The following QRICH2 variants were observed in gnomAD, a reference collection of about 807,000 sequenced individuals.
QRICH2 encodes glutamine rich 2, also known as glutamine-rich protein 2.
QRICH2 carries 119 observed loss-of-function variants against 168.3 expected under a neutral mutation model. That is an observed-to-expected ratio of 0.71 (90% CI 0.61 to 0.82). The LOEUF is 0.82. QRICH2 is among the 40% of genes least tolerant of loss of function. The probability of loss-of-function intolerance (pLI) is 0.00; values close to 1 mark genes in which losing one functional copy is unlikely to be tolerated. For synonymous variants in QRICH2, 894 were observed against 951.2 expected (o/e 0.94, Z 1.11); for missense variants, 2,241 against 2,491.6 (o/e 0.90, Z 2.14).
At position 76,281,015 on chromosome 17, in the gene QRICH2, C is replaced by T. The variant is rs879834482; in HGVS notation, c.4264-62G>A. The stretch of plus-strand genomic sequence containing the variant: ...CTGGCGCGATCCCACCCCCTGCTGC[C>T]ATAATATTGCTGCCCCAGGTAAGTT... On this transcript the variant is annotated intron_variant, in intron 8 of 18. Coordinates refer to ENST00000680821, the MANE Select transcript of QRICH2 (RefSeq NM_001388453.1). The surrounding 1 kb of genome is among the most constrained non-coding windows in gnomAD (Gnocchi z 4.4). 16 of 1,570,996 alleles carry T rather than the reference C, an allele frequency of 1.0e-5. No homozygotes were observed. The highest frequency in any genetic ancestry group is 2.7e-5 in the African/African-American group (2 of 74,086).
intron 7 of QRICH2, among the ~76,000 whole-genome samples, chr17:76,282,738 C>T (rs896043898): frequency 3.3e-5 from 5 of 152,172 alleles, no homozygotes; most frequent in African/African-American, 9.7e-5. Flanking sequence ...AATGAGAGTT[C>T]CCAGGTAGAC....
Position 76,292,817 on chromosome 17 carries a change from T to G in QRICH2, c.1910A>C (p.Gln637Pro). 1 of 1,613,772 alleles carries G rather than the reference T, an allele frequency of 6.2e-7. No individual in the cohort carries two copies. The highest frequency in any genetic ancestry group is 8.5e-7 in the Non-Finnish European group (1 of 1,179,968). ...TGTGCCAGGCTGGATCAAACCATGC[T>G]GATCTCTACCAGGTTGGGCCAAACC... is the stretch of plus-strand genomic sequence containing the variant. ...QSGLAQPGRDQHGLIQPGTGQ... is the reference protein window; with the variant it reads ...QSGLAQPGRDPHGLIQPGTGQ... Residue 637 changes from glutamine to proline, a missense_variant, in exon 4 of 19, where the codon CAG becomes CCG. By Grantham distance (76) the Gln-to-Pro change is moderately conservative (BLOSUM62 -1). Coordinates refer to ENST00000680821, the MANE Select transcript of QRICH2 (RefSeq NM_001388453.1).
chr17:76,286,672 C>T lies in QRICH2; in HGVS notation c.4011+520G>A, dbSNP rs563673828. 1.8e-3 allele frequency among the ~76,000 whole-genome samples: 273 copies of T among 151,970 alleles called. 11 individuals carry two copies. In the South Asian group the frequency reaches 0.054, roughly 30 times the overall value. ...TATCATAAAAAAGATAGGGAAAGAT[C>T]GTGATCAGCCTGGCCAAAATGGTGA... is the stretch of plus-strand genomic sequence containing the variant. On this transcript the variant is annotated intron_variant, in intron 7 of 18. Coordinates refer to ENST00000680821, the MANE Select transcript of QRICH2 (RefSeq NM_001388453.1).
intron 5 of QRICH2, 57 bp downstream of exon 5, chr17:76,289,935 G>C (rs1353630502): frequency 3.2e-6 from 4 of 1,260,926 alleles, no homozygotes; most frequent in Non-Finnish European, 4.5e-6. Flanking sequence ...AGGGCGACAA[G>C]AGCAAAACTC....
rs2071015955 is a variant in QRICH2 at position 76,307,885 on chromosome 17, G to C, written c.114C>G (p.Leu38=). ...GGGTATTTTGGAGGTCGAGGTTCTT[G>C]AGCATGGCCACGATGAGCGTGTGCA... ...TALHTLIVAM[L]KNLDLQNTRI... The change falls in exon 1 of 19, where the codon CTC becomes CTG. Residue 38 remains leucine (L), a synonymous_variant. Coordinates refer to ENST00000680821, the MANE Select transcript of QRICH2 (RefSeq NM_001388453.1). The surrounding 1 kb of genome is among the most constrained non-coding windows in gnomAD (Gnocchi z 5.3). The C allele has an allele frequency of 7.9e-7, 1 of 1,272,514 alleles. No homozygotes were observed. The highest frequency in any genetic ancestry group is 1.5e-5 in the African/African-American group (1 of 64,722). 78.8% of individuals were successfully genotyped at this position (1,272,514 alleles called of 1,614,324 possible).
At position 76,307,867 on chromosome 17, in the gene QRICH2, T is replaced by C. The variant is rs1001477998; in HGVS notation, c.132A>G (p.Gln44=). ...AGGGCTGGAAGTCGATCCGGGTATT[T>C]TGGAGGTCGAGGTTCTTGAGCATGG... ...IVAMLKNLDL[Q]NTRIDFQPSS... The change falls in exon 1 of 19, where the codon CAA becomes CAG. Residue 44 remains glutamine (Q), a synonymous_variant. Transcript: ENST00000680821. The surrounding 1 kb of genome is among the most constrained non-coding windows in gnomAD (Gnocchi z 5.3). 3 of 1,274,972 alleles carry C rather than the reference T, an allele frequency of 2.4e-6. No homozygotes were observed. Among genetic ancestry groups the C allele is most frequent in the African/African-American group, 3.1e-5 (2 of 64,698 alleles). 79.0% of individuals were successfully genotyped at this position (1,274,972 alleles called of 1,614,324 possible).
In QRICH2 at chr17:76,291,249, A is replaced by C. The variant is rs773644834; in HGVS notation, c.3478T>G (p.Ser1160Ala). 6.2e-7 allele frequency: 1 copy of C among 1,614,218 alleles called. No homozygotes were observed. The highest frequency in any genetic ancestry group is 8.5e-7 in the Non-Finnish European group (1 of 1,180,038). Reference protein sequence around the residue: ...QDVTLFRSPDSVDRVLSEGSE... With the variant: ...QDVTLFRSPDAVDRVLSEGSE... ...CCTTCTGATAAGACTCGGTCGACGG[A>C]GTCTGGACTCCTGAAAAGAGTGACA... Residue 1160 changes from serine to alanine, a missense_variant, in exon 4 of 19, where the codon TCC becomes GCC. By Grantham distance (99) the Ser-to-Ala change is moderately conservative. Transcript: ENST00000680821.
In QRICH2 at chr17:76,290,050, T is replaced by C. The variant is rs1334274546; in HGVS notation, c.3740A>G (p.Gln1247Arg). The C allele has an allele frequency of 1.2e-6, 2 of 1,612,228 alleles. No homozygotes were observed. Residue 1247 changes from glutamine (Q) to arginine (R), a missense_variant, in exon 5 of 19, where the codon CAG (glutamine) becomes CGG (arginine). By Grantham distance (43) the Gln-to-Arg change is conservative. Transcript: ENST00000680821. ...MVKRTIPPEL[Q>R]EQLKTVKTLA... ...CGTCTTTACGGTCTTCAGCTGCTCC[T>C]GCAGTTCAGGAGGTATGGTCCTTTT... is the stretch of plus-strand genomic sequence containing the variant.
chr17:76,293,845 G>A lies in QRICH2; in HGVS notation c.882C>T (p.Pro294=), dbSNP rs770830663. 1 of 1,614,000 alleles carries A rather than the reference G, an allele frequency of 6.2e-7. No homozygotes were observed. The change falls in exon 4 of 19, where the codon CCC becomes CCT. Residue 294 remains proline, a synonymous_variant. Transcript: ENST00000680821. ...GTTCCCTACTGGAAACCCCATCAGAGGGGTGTGCTGTGCCACCAGATCCTG... is the reference window on the plus strand; with the variant it reads ...GTTCCCTACTGGAAACCCCATCAGAAGGGTGTGCTGTGCCACCAGATCCTG... ...TASGSGGTAH[P]SDGVSSREQS... is the part of the protein sequence containing the mutation.
rs928918415 is a variant in QRICH2, at chr17:76,298,834, T to C, written c.706-4813A>G. On this transcript the variant is annotated intron_variant, in intron 3 of 18. Transcript: ENST00000680821. ...CTTCACCATATTGGTCAGGCTGGTC[T>C]CAAATTCCCGACCTCAAGTGATCCG... Among the ~76,000 whole-genome samples the C allele has an allele frequency of 2.2e-4, 33 of 152,210 alleles. 1 individual carries two copies. The highest frequency in any genetic ancestry group is 1.6e-3 in the Admixed American group (25 of 15,276).
rs1568119413 is a variant in QRICH2, at chr17:76,292,711, T to TTGGACCATGCCAGGC, written c.2001_2015dup (p.Met670_Gly674dup). The TTGGACCATGCCAGGC allele has an allele frequency of 7.6e-6, 12 of 1,573,246 alleles. No individual in the cohort carries two copies. Among genetic ancestry groups the TTGGACCATGCCAGGC allele is most frequent in the African/African-American group, 1.6e-5 (1 of 63,090 alleles). On this transcript the variant is annotated inframe_insertion, in exon 4 of 19. Coordinates refer to ENST00000680821, the MANE Select transcript of QRICH2 (RefSeq NM_001388453.1). ...CCAAAGCACGCTGAAATCTGCCAGG[T>TTGGACCATGCCAGGC]TGGACCATGCCAGGCTGATCTACAC...
chr17:76,287,947 C>T (rs1243267512), intron 5 of QRICH2, 50 bp from the exon 6 acceptor site: 3 of 1,428,160 alleles, frequency 2.1e-6, no homozygotes, highest in Admixed American at 1.7e-5. Context: ...GCTCCCGCTT[C>T]CCAAGTGTGC....
chr17:76,277,284 T>A lies in QRICH2; in HGVS notation c.5144A>T (p.Tyr1715Phe), dbSNP rs757490279. Residue 1715 changes from tyrosine to phenylalanine, a missense_variant, in exon 16 of 19, where the codon TAC (tyrosine) becomes TTC (phenylalanine). Coordinates refer to ENST00000680821, the MANE Select transcript of QRICH2 (RefSeq NM_001388453.1). ...CCCGCAGCGCCGGGGCACAGTTGAG[T>A]AGGTGTAATCAGCCATATCTGTCAC... ...KRVTDMADYT[Y>F]STVPRRCGGS... 2 of 1,607,298 alleles carry A rather than the reference T, an allele frequency of 1.2e-6. No individual in the cohort carries two copies. The highest frequency in any genetic ancestry group is 1.7e-6 in the Non-Finnish European group (2 of 1,178,004).
Position 76,277,144 on chromosome 17 carries a change from C to A in QRICH2, c.5265+19G>T. 6.5e-7 allele frequency: 1 copy of A among 1,534,906 alleles called. No individual in the cohort carries two copies. On this transcript the variant is annotated intron_variant, in intron 16 of 18. Coordinates refer to ENST00000680821, the MANE Select transcript of QRICH2 (RefSeq NM_001388453.1). ...ATGTCAGGGCCTCCCTCCCTGGTGGCTCCAGGCAGGGCCCTGACCTTCATG... is the reference window on the plus strand; with the variant it reads ...ATGTCAGGGCCTCCCTCCCTGGTGGATCCAGGCAGGGCCCTGACCTTCATG...
rs1264250491 is a variant in QRICH2, at chr17:76,308,027, C to T, written c.-29G>A. 3 of 1,231,562 alleles carry T rather than the reference C, an allele frequency of 2.4e-6. No homozygotes were observed. The highest frequency in any genetic ancestry group is 3.1e-5 in the African/African-American group (2 of 64,362). The allele number at this position is 1,231,562 out of a possible 1,614,324, so 76.3% of individuals were successfully genotyped here. A position where few individuals can be genotyped will look rare whatever the true frequency, so the allele number is the denominator to read the frequency against. On this transcript the variant is annotated 5_prime_UTR_variant, in exon 1 of 19. Coordinates refer to ENST00000680821, the MANE Select transcript of QRICH2 (RefSeq NM_001388453.1). ...GGCTGTCAGGAGCTGTGCGCCGCCG[C>T]GGGGCGCCGGCCAACCACTTCCCGC...
At position 76,274,258 on chromosome 17, in the gene QRICH2, A is replaced by G; in HGVS notation, c.5485T>C (p.Ser1829Pro). The G allele has an allele frequency of 1.3e-6, 2 of 1,587,624 alleles. No homozygotes were observed. Among genetic ancestry groups the G allele is most frequent in the Non-Finnish European group, 1.7e-6 (2 of 1,170,760 alleles). The change falls in exon 19 of 19, where the codon TCT (serine) becomes CCT (proline). Residue 1829 changes from serine to proline, a missense_variant and splice_region_variant. Ser to Pro is a moderately conservative substitution (Grantham distance 74). Around this residue, in one of 3 missense-constraint regions of QRICH2, gnomAD observed 189 missense variants for 169.3 expected, o/e 1.12. Coordinates refer to ENST00000680821, the MANE Select transcript of QRICH2 (RefSeq NM_001388453.1). ...AQISAGNTSV[S>P]SRQQKDRPSS... ...GGTCTATCTTTCTGTTGACGAGAAG[A>G]AACTGTAAGACAGGGGTGCTGAGGT...
chr17:76,279,910 G>T, intron 12 of QRICH2, 123 bp downstream of exon 12: 1 of 1,193,174 alleles, frequency 8.4e-7, no homozygotes, highest in Non-Finnish European at 1.1e-6. Context: ...TCCAACCATG[G>T]GACAGTCCTG....
At chr17:76,286,052 G>A (rs1017999146) in intron 7 of QRICH2, among the ~76,000 whole-genome samples, 1 of 151,998 alleles carries the variant, frequency 6.6e-6, no homozygotes, top group African/African-American at 2.4e-5. Context: ...GCAGGTGCCT[G>A]TAGTCCCAGC....
intron 3 of QRICH2, among the ~76,000 whole-genome samples, chr17:76,300,530 C>T (rs996947075): frequency 1.7e-4 from 26 of 152,158 alleles, no homozygotes; most frequent in African/African-American, 5.5e-4. Flanking sequence ...TTAGCATAAA[C>T]GTAAAATAAA....
Sources: allele counts gnomAD v4.1 joint callset (sites outside exome capture counted in the v4.1 genomes callset), GRCh38; gene constraint gnomAD v4.1.1; regional missense constraint gnomAD v4.1.1; non-coding constraint Gnocchi (gnomAD v3.1); transcripts MANE v1.5; gene names NCBI Gene and HGNC (gene_info 2026-07-23, HGNC 2026-07-21).